Variants in ZFAND3 observed in about 807,000 individuals in gnomAD.
ZFAND3 encodes AN1-type zinc finger protein 3.
ZFAND3 carries 10 observed loss-of-function variants against 29.6 expected under a neutral mutation model. The ratio of observed to expected loss-of-function variants is 0.34; its 90% CI spans 0.21 to 0.57. The LOEUF (loss-of-function observed/expected upper bound fraction) is 0.57. Ranked by LOEUF, ZFAND3 falls within the 20% of genes least tolerant of loss-of-function variation. ZFAND3 has a pLI of 0.86. For missense variants in ZFAND3, 230 were observed against 304.5 expected (o/e 0.76, Z 1.82); for synonymous variants, 128 against 112.6 (o/e 1.14, Z -0.87).
At chr6:38,110,264 TTAAG>T (rs1765288859) in intron 4 of ZFAND3, among the ~76,000 whole-genome samples, 11 of 152,154 alleles carry the variant, frequency 7.2e-5, no homozygotes. Flanking sequence ...ATTGGGAACA[TTAAG>T]AAAGGAAGGG....
intron 2 of ZFAND3, among the ~76,000 whole-genome samples, chr6:37,999,407 T>C (rs1298857676): frequency 1.3e-5 from 2 of 152,316 alleles, no homozygotes; most frequent in South Asian, 4.1e-4. Context: ...GTTCCTTAAG[T>C]GTGGGCTGTG....
At chr6:37,946,238 C>G (rs1581783038) in intron 2 of ZFAND3, among the ~76,000 whole-genome samples, 2 of 152,292 alleles carry the variant, frequency 1.3e-5, no homozygotes, top group African/African-American at 4.8e-5. Context: ...GTATTTCCTA[C>G]CTGATCTCTA....
chr6:38,116,484 G>A, intron 4 of ZFAND3, 88 bp from the exon 5 acceptor site: 22 of 1,470,058 alleles, frequency 1.5e-5, no homozygotes, highest in Non-Finnish European at 2.0e-5. Context: ...CAGTAGCCTG[G>A]TCAGGAGAAT....
intron 2 of ZFAND3, among the ~76,000 whole-genome samples, chr6:38,040,216 C>T (rs1763733475): frequency 6.6e-6 from 1 of 152,104 alleles, no homozygotes; most frequent in Admixed American, 6.5e-5. Flanking sequence ...AGTGACTATT[C>T]TTGCATACAC....
chr6:37,943,396 G>C (rs543564277), intron 2 of ZFAND3, among the ~76,000 whole-genome samples: 2 of 152,262 alleles, frequency 1.3e-5, no homozygotes, highest in East Asian at 3.9e-4. Context: ...TGACAGTCCA[G>C]GAGATTGAAT....
chr6:38,131,419 C>T (rs1923279), intron 5 of ZFAND3, among the ~76,000 whole-genome samples: 106,675 of 152,114 alleles, frequency 0.7, 38,003 homozygotes, highest in African/African-American at 0.78. Flanking sequence ...AAGGTAAAAA[C>T]GCAGTTCTTT....
chr6:37,827,776 T>C (rs531548012), intron 1 of ZFAND3, among the ~76,000 whole-genome samples: 1 of 152,356 alleles, frequency 6.6e-6, no homozygotes, highest in African/African-American at 2.4e-5. Flanking sequence ...TTCATTTAGC[T>C]GTACCAGATG....
At chr6:37,926,699 T>C (rs1449648531) in intron 1 of ZFAND3, among the ~76,000 whole-genome samples, 2 of 152,200 alleles carry the variant, frequency 1.3e-5, no homozygotes, top group Non-Finnish European at 2.9e-5. Flanking sequence ...TTTAGAAACG[T>C]GGTACCCATT....
chr6:38,045,408 A>G (rs1212100456), intron 2 of ZFAND3, among the ~76,000 whole-genome samples: 2 of 152,286 alleles, frequency 1.3e-5, no homozygotes, highest in Non-Finnish European at 2.9e-5. Flanking sequence ...TCGAAATTCT[A>G]ATACATTAGT....
intron 1 of ZFAND3, among the ~76,000 whole-genome samples, chr6:37,918,743 A>G (rs145601963): frequency 6.6e-6 from 1 of 152,232 alleles, no homozygotes; most frequent in East Asian, 1.9e-4. Flanking sequence ...ACTTTGGGAA[A>G]AAGTACTCTG....
At chr6:37,905,933 C>T (rs1214581093) in intron 1 of ZFAND3, among the ~76,000 whole-genome samples, 2 of 151,966 alleles carry the variant, frequency 1.3e-5, no homozygotes, top group East Asian at 3.8e-4. Flanking sequence ...ATAATATGAT[C>T]TATGGTATAC....
Position 37,823,408 on chromosome 6 carries a change from T to C in ZFAND3, c.71+3392T>C, listed in dbSNP as rs552260472. On this transcript the variant is annotated intron_variant, in intron 1 of 5. Transcript: ENST00000287218. The stretch of plus-strand genomic sequence containing the variant: ...TGAGGAGCCTCTCAGCAGAATGTTT[T>C]GGCTCCGGCAGACTAACGGCAGTTC... Among the ~76,000 whole-genome samples, 203 of 152,306 alleles carry C rather than the reference T, an allele frequency of 1.3e-3. 1 individual carries two copies. Among genetic ancestry groups the C allele is most frequent in the African/African-American group, 4.7e-3 (197 of 41,568 alleles).
chr6:38,152,326 A>G lies in ZFAND3; in HGVS notation c.621A>G (p.Lys207=), dbSNP rs781735251. The G allele has an allele frequency of 1.9e-6, 3 of 1,611,052 alleles. No individual in the cohort carries two copies. The Admixed American group carries it at 5.1e-5, about 27-fold the overall frequency. ...GTGGCCGGGAGGAAGCCATCATGAAAATGGTGAAGCTGGACCGGAAAGTGG... is the reference window on the plus strand; with the variant it reads ...GTGGCCGGGAGGAAGCCATCATGAAGATGGTGAAGCTGGACCGGAAAGTGG... ...MGRGREEAIM[K]MVKLDRKVGR... The change falls in exon 6 of 6, where the codon AAA becomes AAG. Residue 207 remains lysine, a synonymous_variant. Transcript: ENST00000287218.
At chr6:37,923,919 ATATC>A (rs1561935789) in intron 1 of ZFAND3, among the ~76,000 whole-genome samples, 1 of 152,234 alleles carries the variant, frequency 6.6e-6, no homozygotes, top group East Asian at 1.9e-4. Context: ...TGAATTATAG[ATATC>A]TATCTAAAAA....
At chr6:38,030,051 G>GACAT (rs1227273946) in intron 2 of ZFAND3, among the ~76,000 whole-genome samples, 1 of 94,988 alleles carries the variant, frequency 1.1e-5, no homozygotes, top group African/African-American at 4.9e-5. Flanking sequence ...AGTTCTGCTG[G>GACAT]ATATATATAT....
At chr6:38,134,005 C>T (rs143746538) in intron 5 of ZFAND3, among the ~76,000 whole-genome samples, 1 of 152,106 alleles carries the variant, frequency 6.6e-6, no homozygotes, top group Admixed American at 6.5e-5. Context: ...AACCACTTCC[C>T]CGTTTCAGAG....
chr6:38,002,733 C>G (rs1347247615), intron 2 of ZFAND3: 1 of 152,094 alleles, frequency 6.6e-6, no homozygotes, highest in African/African-American at 2.4e-5. Context: ...CGATGCTACT[C>G]TAGATCATCC....
chr6:37,887,658 C>T (rs1309959344), intron 1 of ZFAND3, among the ~76,000 whole-genome samples: 5 of 152,152 alleles, frequency 3.3e-5, no homozygotes, highest in African/African-American at 7.2e-5. Flanking sequence ...ATGCAACTGT[C>T]GTAAATATAC....
In ZFAND3 at chr6:38,056,038, G is replaced by A. The variant is rs573687568; in HGVS notation, c.113-5555G>A. Among the ~76,000 whole-genome samples, 125 of 152,306 alleles carry A rather than the reference G, an allele frequency of 8.2e-4. 1 individual carries two copies. Among genetic ancestry groups the A allele is most frequent in the African/African-American group, 3.0e-3 (124 of 41,564 alleles). Reference sequence around the variant, plus strand: ...CTTGTGCTATGGGAAATCACAGAGTGCTGTGCCAATAGAATTTGATAATAC... The same window carrying A: ...CTTGTGCTATGGGAAATCACAGAGTACTGTGCCAATAGAATTTGATAATAC... On this transcript the variant is annotated intron_variant, in intron 2 of 5. Coordinates refer to ENST00000287218, the MANE Select transcript of ZFAND3 (RefSeq NM_021943.3).
Sources: allele counts gnomAD v4.1 joint callset (sites outside exome capture counted in the v4.1 genomes callset), GRCh38; gene constraint gnomAD v4.1.1; transcripts MANE v1.5; gene names NCBI Gene and HGNC (gene_info 2026-07-23, HGNC 2026-07-21).